The following DARS2 variants were observed in gnomAD, a reference collection of about 807,000 sequenced individuals.
DARS2 encodes the protein aspartyl-tRNA synthetase 2, mitochondrial.
A neutral mutation model predicts 83.0 loss-of-function variants in DARS2; 63 were observed. The observed-to-expected ratio is 0.76, with a 90% confidence interval of 0.62 to 0.94. The LOEUF (loss-of-function observed/expected upper bound fraction) is 0.94. Among genes scored for constraint, DARS2 ranks in the 40% least tolerant of loss-of-function variants. The pLI, the probability that DARS2 is intolerant of heterozygous loss-of-function variation, is 0.00. For missense variants in DARS2, 675 were observed against 774.4 expected, an observed-to-expected ratio of 0.87 and a Z score of 1.52; for synonymous variants, 250 against 269.3, an observed-to-expected ratio of 0.93 and a Z score of 0.70.
At chr1:173,850,264 A>T (rs1245836227) in intron 12 of DARS2, 63 bp from the exon 13 acceptor site, 1 of 1,492,614 alleles carries the variant, frequency 6.7e-7, no homozygotes, top group African/African-American at 1.4e-5. Flanking sequence ...TTATAAGAAG[A>T]TAAATTAATC....
chr1:173,832,487 T>C (rs759625329), intron 5 of DARS2, among the ~76,000 whole-genome samples: 3 of 152,008 alleles, frequency 2.0e-5, no homozygotes, highest in Non-Finnish European at 4.4e-5. Flanking sequence ...ATAAGCAAAC[T>C]AGGCTGGGCA....
rs1232743465 is a variant in DARS2 at position 173,850,372 on chromosome 1, C to T, written c.1237C>T (p.Pro413Ser). The stretch of plus-strand genomic sequence containing the variant: ...TAACGCCAATAGAAACTGGAATTCT[C>T]CAGTTGCTAATTTCATAATGGAGTC... ...FLNANRNWNS[P>S]VANFIMESQR... Residue 413 changes from proline to serine, a missense_variant, in exon 13 of 17, where the codon CCA becomes TCA. Pro to Ser is a moderately conservative substitution (Grantham distance 74). Transcript: ENST00000649689. 1.2e-6 allele frequency: 2 copies of T among 1,613,106 alleles called. No individual in the cohort carries two copies. The highest frequency in any genetic ancestry group is 2.2e-5 in the East Asian group (1 of 44,820).
intron 13 of DARS2, 104 bp downstream of exon 13, chr1:173,850,583 A>C: frequency 1.6e-6 from 2 of 1,268,598 alleles, no homozygotes; most frequent in Non-Finnish European, 2.2e-6. Context: ...TAATTCATAA[A>C]ATGGAGCTGC....
At chr1:173,826,201 G>A (rs1410991941) in intron 1 of DARS2, among the ~76,000 whole-genome samples, 2 of 151,120 alleles carry the variant, frequency 1.3e-5, no homozygotes, top group African/African-American at 4.9e-5. Context: ...TCCAGCCTGG[G>A]CGACAGAGCG....
At chr1:173,852,973 T>A (rs1264825211) in intron 13 of DARS2, among the ~76,000 whole-genome samples, 4 of 152,188 alleles carry the variant, frequency 2.6e-5, no homozygotes, top group Non-Finnish European at 5.9e-5. Flanking sequence ...CTGCACCTTA[T>A]GTATATTATC....
intron 9 of DARS2, among the ~76,000 whole-genome samples, chr1:173,838,727 T>A (rs1199445360): frequency 1.3e-5 from 2 of 152,028 alleles, no homozygotes; most frequent in African/African-American, 4.8e-5. Context: ...TATTTTACTT[T>A]ATATTATTTT....
At chr1:173,850,281 T>A (rs1653600645) in intron 12 of DARS2, 46 bp from the exon 13 acceptor site, 5 of 1,368,244 alleles carry the variant, frequency 3.7e-6, no homozygotes, top group Non-Finnish European at 5.0e-6. Flanking sequence ...AATCCCACTG[T>A]TCAAAAAAAA....
chr1:173,830,379 G>A (rs2102638248), intron 3 of DARS2, among the ~76,000 whole-genome samples: 1 of 152,138 alleles, frequency 6.6e-6, no homozygotes, highest in Middle Eastern at 3.4e-3. Context: ...CAAGTATGTG[G>A]GACTTGTTTG....
At chr1:173,850,588 A>T in intron 13 of DARS2, 109 bp downstream of exon 13, 6 of 1,096,474 alleles carry the variant, frequency 5.5e-6, no homozygotes, top group Non-Finnish European at 7.8e-6. Context: ...CATAAAATGG[A>T]GCTGCTCTGC....
chr1:173,833,153 A>G (rs2102640973), intron 5 of DARS2, among the ~76,000 whole-genome samples: 1 of 152,320 alleles, frequency 6.6e-6, no homozygotes, highest in East Asian at 1.9e-4. Context: ...GGCAAATTTC[A>G]GTCAGTGAAG....
chr1:173,842,998 T>C (rs1367198947), intron 11 of DARS2, among the ~76,000 whole-genome samples: 6 of 151,200 alleles, frequency 4.0e-5, no homozygotes, highest in Non-Finnish European at 2.9e-5. Flanking sequence ...ATAAGAAATA[T>C]GTTCAGGTAA....
chr1:173,847,748 T>G (rs147386463), intron 12 of DARS2, among the ~76,000 whole-genome samples: 32 of 152,214 alleles, frequency 2.1e-4, no homozygotes, highest in Middle Eastern at 6.8e-3. Flanking sequence ...CTTAATTCAT[T>G]TAAACCTTGT....
intron 6 of DARS2, 95 bp downstream of exon 6, chr1:173,833,594 A>C: frequency 6.8e-7 from 1 of 1,476,848 alleles, no homozygotes; most frequent in Non-Finnish European, 9.4e-7. Flanking sequence ...CATGAGGTCA[A>C]GATGTTGCCA....
intron 7 of DARS2, 53 bp downstream of exon 7, chr1:173,834,572 C>A: frequency 7.1e-7 from 1 of 1,412,126 alleles, no homozygotes; most frequent in Non-Finnish European, 1.0e-6. Flanking sequence ...AGTTATAAAG[C>A]TAGACTACTT....
intron 1 of DARS2, 108 bp downstream of exon 1, chr1:173,825,464 T>C: frequency 3.1e-6 from 2 of 641,836 alleles, no homozygotes; most frequent in Admixed American, 4.2e-5. Flanking sequence ...TTATTATTAT[T>C]ATTATTATTA....
Position 173,850,391 on chromosome 1 carries a change from T to C in DARS2, c.1256T>C (p.Met419Thr). The C allele has an allele frequency of 1.2e-6, 2 of 1,613,636 alleles. No individual in the cohort carries two copies. Among genetic ancestry groups the C allele is most frequent in the Non-Finnish European group, 1.7e-6 (2 of 1,179,876 alleles). ...NWNSPVANFI[M>T]ESQRLELIRL... is the part of the protein sequence containing the mutation. ...AATTCTCCAGTTGCTAATTTCATAATGGAGTCACAAAGACTGGAATTAATC... is the reference window on the plus strand; with the variant it reads ...AATTCTCCAGTTGCTAATTTCATAACGGAGTCACAAAGACTGGAATTAATC... The change falls in exon 13 of 17, where the codon ATG becomes ACG. Residue 419 changes from methionine (M) to threonine (T), a missense_variant. Coordinates refer to ENST00000649689, the MANE Select transcript of DARS2 (RefSeq NM_018122.5).
intron 12 of DARS2, among the ~76,000 whole-genome samples, chr1:173,846,547 C>T (rs1436405178): frequency 6.6e-6 from 1 of 151,514 alleles, no homozygotes; most frequent in Non-Finnish European, 1.5e-5. Flanking sequence ...AATCCCAGCA[C>T]TTTGGGAGCC....
At chr1:173,825,640 T>C (rs879760695) in intron 1 of DARS2, among the ~76,000 whole-genome samples, 1 of 151,244 alleles carries the variant, frequency 6.6e-6, no homozygotes, top group Non-Finnish European at 1.5e-5. Flanking sequence ...GGCTAATTTT[T>C]CTGTATTTTT....
intron 12 of DARS2, 91 bp downstream of exon 12, chr1:173,845,382 G>T: frequency 1.3e-6 from 1 of 793,248 alleles, no homozygotes; most frequent in Non-Finnish European, 2.1e-6. Context: ...TTAGTTTTGA[G>T]CATCTTGTTA....
Sources: allele counts gnomAD v4.1 joint callset (sites outside exome capture counted in the v4.1 genomes callset), GRCh38; gene constraint gnomAD v4.1.1; transcripts MANE v1.5; gene names NCBI Gene and HGNC (gene_info 2026-07-23, HGNC 2026-07-21).